Variants in NME8 observed in about 807,000 individuals in gnomAD.
The protein encoded by NME8 is NME/NM23 family member 8, also known as protein NME8.
In NME8, 72 loss-of-function variants were observed where a neutral mutation model predicts 82.3. That is an observed-to-expected ratio of 0.87 (90% CI 0.72 to 1.06). The LOEUF (loss-of-function observed/expected upper bound fraction) is 1.06, where lower values mean the gene tolerates loss of function less well. Among genes scored for constraint, NME8 ranks in the 50% least tolerant of loss-of-function variants. The pLI, the probability that NME8 is intolerant of heterozygous loss-of-function variation, is 0.00. For missense variants in NME8, 712 were observed against 685.4 expected (o/e 1.04, Z -0.43); for synonymous variants, 267 against 228.5 (o/e 1.17, Z -1.52).
intron 14 of NME8, among the ~76,000 whole-genome samples, chr7:37,887,689 G>A (rs934565728): frequency 6.6e-6 from 1 of 152,106 alleles, no homozygotes; most frequent in African/African-American, 2.4e-5. Context: ...AGAAATATCC[G>A]AGACTGGGTA....
chr7:37,888,954 A>T (rs891916462), intron 15 of NME8, among the ~76,000 whole-genome samples: 2 of 152,004 alleles, frequency 1.3e-5, no homozygotes, highest in African/African-American at 2.4e-5. Context: ...AAATCAATGG[A>T]ATACTTCATA....
intron 15 of NME8, among the ~76,000 whole-genome samples, chr7:37,888,720 T>C (rs1409096654): frequency 6.6e-6 from 1 of 152,164 alleles, no homozygotes; most frequent in Non-Finnish European, 1.5e-5. Context: ...GAGTTGTTTT[T>C]TCCATGGATA....
chr7:37,877,017 C>A lies in NME8; in HGVS notation c.994+10C>A. ...TTTCATGAAAGGAAAGGTAGGGAAT[C>A]AAGCATAAATTGTTTAAGTATTTTA... is the stretch of plus-strand genomic sequence containing the variant. On this transcript the variant is annotated intron_variant, in intron 12 of 17. Transcript: ENST00000199447. 2 of 1,605,252 alleles carry A rather than the reference C, an allele frequency of 1.2e-6. No individual in the cohort carries two copies. Among genetic ancestry groups the A allele is most frequent in the East Asian group, 2.2e-5 (1 of 44,636 alleles).
Position 37,867,792 on chromosome 7 carries a change from G to A in NME8, c.712G>A (p.Glu238Lys), listed in dbSNP as rs766019144. 1.2e-6 allele frequency: 2 copies of A among 1,613,882 alleles called. No individual in the cohort carries two copies. The highest frequency in any genetic ancestry group is 3.3e-5 in the Admixed American group (2 of 59,992). Reference protein sequence around the residue: ...SQGSKHNPPSEETEPQTDTEP... With the variant: ...SQGSKHNPPSKETEPQTDTEP... ...AGGAAGTAAACACAATCCTCCCTCT[G>A]AAGAAACCGAACCACAGACTGACAC... The change falls in exon 11 of 18, where the codon GAA (glutamate) becomes AAA (lysine). Residue 238 changes from glutamate to lysine, a missense_variant. By Grantham distance (56) the Glu-to-Lys change is moderately conservative. Transcript: ENST00000199447.
chr7:37,881,448 GA>G (rs760778750), intron 12 of NME8, among the ~76,000 whole-genome samples: 114 of 152,110 alleles, frequency 7.5e-4, no homozygotes, highest in Middle Eastern at 3.4e-3. Flanking sequence ...TATTAGTGGC[GA>G]TTATGTTAAT....
chr7:37,890,378 A>G (rs1044060977), intron 15 of NME8, among the ~76,000 whole-genome samples: 1 of 152,006 alleles, frequency 6.6e-6, no homozygotes, highest in Non-Finnish European at 1.5e-5. Flanking sequence ...TGTACACATT[A>G]TGTAATAATC....
rs777932801 is a variant in NME8 at position 37,863,451 on chromosome 7, G to A, written c.443G>A (p.Cys148Tyr). The A allele has an allele frequency of 3.1e-6, 5 of 1,594,682 alleles. No individual in the cohort carries two copies. In the African/African-American group the frequency reaches 6.7e-5, roughly 21 times the overall value. Reference sequence around the variant, plus strand: ...TCAGAAGTTAGTGAAGAATCACCATGTGAAAGTGTTCGTAAGTAAATTTAC... The same window carrying A: ...TCAGAAGTTAGTGAAGAATCACCATATGAAAGTGTTCGTAAGTAAATTTAC... ...SDSEVSEESP[C>Y]ESVQELYSIA... The change falls in exon 8 of 18, where the codon TGT becomes TAT. Residue 148 changes from cysteine to tyrosine, a missense_variant. Cys to Tyr is a radical substitution (Grantham distance 194). Coordinates refer to ENST00000199447, the MANE Select transcript of NME8 (RefSeq NM_016616.5).
chr7:37,874,341 A>G (rs945026390), intron 11 of NME8, among the ~76,000 whole-genome samples: 3 of 152,172 alleles, frequency 2.0e-5, no homozygotes, highest in African/African-American at 7.2e-5. Flanking sequence ...TTGTGGGTGT[A>G]TGTGGCAAAA....
At chr7:37,855,906 C>G (rs573702594) in intron 5 of NME8, among the ~76,000 whole-genome samples, 5 of 152,126 alleles carry the variant, frequency 3.3e-5, no homozygotes, top group African/African-American at 1.2e-4. Flanking sequence ...CCTGCTGGCA[C>G]AGCTGCAGCA....
At position 37,885,128 on chromosome 7, in the gene NME8, GTT is replaced by G; in HGVS notation, c.1140-14_1140-13del. 1 of 1,547,076 alleles carries G rather than the reference GTT, an allele frequency of 6.5e-7. No individual in the cohort carries two copies. The highest frequency in any genetic ancestry group is 1.4e-5 in the African/African-American group (1 of 73,662). ...CTACACTTCTTATTACCTCTTCTTT[GTT>G]TTCTTTTCTAATAGTGGTCCATCTC... On this transcript the variant is annotated splice_polypyrimidine_tract_variant and intron_variant, in intron 13 of 17. Coordinates refer to ENST00000199447, the MANE Select transcript of NME8 (RefSeq NM_016616.5).
chr7:37,864,358 C>T lies in NME8; in HGVS notation c.465C>T (p.Tyr155=), dbSNP rs772924365. 15 of 1,592,976 alleles carry T rather than the reference C, an allele frequency of 9.4e-6. No homozygotes were observed. The South Asian group carries it at 1.5e-4, about 16-fold the overall frequency. The change falls in exon 9 of 18, where the codon TAC becomes TAT. Residue 155 remains tyrosine (Y), a synonymous_variant. Transcript: ENST00000199447. ...TAAATTTTTTTCCAGAGGAATTATACAGTATTGCTATTATCAAACCGGATG... is the reference window on the plus strand; with the variant it reads ...TAAATTTTTTTCCAGAGGAATTATATAGTATTGCTATTATCAAACCGGATG... ...ESPCESVQEL[Y]SIAIIKPDAV... is the part of the protein sequence containing the mutation.
At chr7:37,873,251 T>G (rs770198325) in intron 11 of NME8, among the ~76,000 whole-genome samples, 1 of 151,350 alleles carries the variant, frequency 6.6e-6, no homozygotes, top group Non-Finnish European at 1.5e-5. Flanking sequence ...TCCCAGCTAC[T>G]TGGGAGGCTG....
chr7:37,892,387 T>C (rs573643520), intron 15 of NME8, among the ~76,000 whole-genome samples: 8 of 151,938 alleles, frequency 5.3e-5, no homozygotes, highest in Admixed American at 2.6e-4. Context: ...GGGGATTCTT[T>C]TGAAGTTTCT....
At chr7:37,882,583 GAAAGAAAGAAAGAA>G (rs1205657130) in intron 12 of NME8, among the ~76,000 whole-genome samples, 734 of 54,294 alleles carry the variant, frequency 0.014, 13 homozygotes, top group Non-Finnish European at 0.012. Context: ...AAGAAAGAAA[GAAAGAAAGAAAGAA>G]AGAGAGAGAG....
Position 37,887,887 on chromosome 7 carries a change from A to G in NME8, c.1248-390A>G, listed in dbSNP as rs150884676. Among the ~76,000 whole-genome samples, 969 of 152,220 alleles carry G rather than the reference A, an allele frequency of 6.4e-3. 12 individuals carry two copies. The highest frequency in any genetic ancestry group is 0.022 in the African/African-American group (923 of 41,556). ...CTTCTGAGAACTCACTCACTAGCACAAGAACAGCATGGGAGAAACTGCCCC... is the reference window on the plus strand; with the variant it reads ...CTTCTGAGAACTCACTCACTAGCACGAGAACAGCATGGGAGAAACTGCCCC... On this transcript the variant is annotated intron_variant, in intron 14 of 17. Coordinates refer to ENST00000199447, the MANE Select transcript of NME8 (RefSeq NM_016616.5).
At chr7:37,875,626 G>GA (rs200383986) in intron 11 of NME8, among the ~76,000 whole-genome samples, 2,408 of 140,882 alleles carry the variant, frequency 0.017, 33 homozygotes, top group Non-Finnish European at 0.02. Context: ...ATTCTGTTTA[G>GA]AAAAAAAAAA....
rs564978311 is a variant in NME8, at chr7:37,873,116, G to A, written c.819-3716G>A. ...AATAGTCTTTTATGGGCCAGATGCC[G>A]TGGCTTGTGCCTGTAATCCCAGCAT... On this transcript the variant is annotated intron_variant, in intron 11 of 17. Transcript: ENST00000199447. Among the ~76,000 whole-genome samples the A allele has an allele frequency of 3.0e-4, 46 of 152,234 alleles. 1 individual carries two copies. In the South Asian group the frequency reaches 8.1e-3, roughly 27 times the overall value.
chr7:37,864,595 T>C (rs1163183767), intron 9 of NME8, among the ~76,000 whole-genome samples, 174 bp downstream of exon 9: 1 of 152,178 alleles, frequency 6.6e-6, no homozygotes, highest in Admixed American at 6.5e-5. Context: ...GATCTATTCA[T>C]GCATCCTTCT....
intron 11 of NME8, among the ~76,000 whole-genome samples, chr7:37,876,622 G>C (rs1426451204): frequency 6.6e-6 from 1 of 152,074 alleles, no homozygotes; most frequent in Non-Finnish European, 1.5e-5. Context: ...ATAATATCAT[G>C]TAAGTAATTT....
Sources: gnomAD v4.1 joint callset for allele counts (sites outside exome capture counted in the v4.1 genomes callset) on GRCh38, gnomAD v4.1.1 for gene constraint, MANE v1.5 for transcripts, NCBI Gene and HGNC (gene_info 2026-07-23, HGNC 2026-07-21) for gene names.